DYNC1I2: variants seen among roughly 807,000 people sequenced by gnomAD.
DYNC1I2 encodes cytoplasmic dynein 1 intermediate chain 2.
In DYNC1I2, 53 loss-of-function variants were observed where a neutral mutation model predicts 88.6. The observed-to-expected ratio is 0.60, with a 90% CI of 0.48 to 0.75. The LOEUF is 0.75. Ranked by LOEUF, DYNC1I2 falls within the 30% of genes least tolerant of loss-of-function variation. The probability of loss-of-function intolerance (pLI) is 0.00; values close to 1 mark genes in which losing one functional copy is unlikely to be tolerated. For synonymous variants in DYNC1I2, 198 were observed against 254.6 expected (o/e 0.78, Z 2.12); for missense variants, 458 against 766.6 (o/e 0.60, Z 4.75).
chr2:171,724,646 C>T (rs1688116495), intron 7 of DYNC1I2, among the ~76,000 whole-genome samples: 1 of 152,218 alleles, frequency 6.6e-6, no homozygotes, highest in Admixed American at 6.5e-5. Context: ...GAAATGACTA[C>T]AGCAAGTAAA....
At chr2:171,710,120 T>TACACACAC (rs1383615743) in intron 5 of DYNC1I2, among the ~76,000 whole-genome samples, 39 of 95,762 alleles carry the variant, frequency 4.1e-4, no homozygotes, top group South Asian at 1.3e-3. Flanking sequence ...TTTATGTATA[T>TACACACAC]ATACACACAC....
In DYNC1I2 at chr2:171,748,614, G is replaced by A. The variant is rs1689946613; in HGVS notation, c.*725G>A. Among the ~76,000 whole-genome samples the A allele has an allele frequency of 6.6e-6, 1 of 152,118 alleles. No individual in the cohort carries two copies. ...ATTGATGTCTAGATAATCTGTTGGTGAAAAAATTTCCCCTAGGTTAACTTT... is the reference window on the plus strand; with the variant it reads ...ATTGATGTCTAGATAATCTGTTGGTAAAAAAATTTCCCCTAGGTTAACTTT... On this transcript the variant is annotated 3_prime_UTR_variant, in exon 18 of 18. Transcript: ENST00000397119.
At chr2:171,713,141 G>A (rs1191023312) in intron 6 of DYNC1I2, among the ~76,000 whole-genome samples, 1 of 151,970 alleles carries the variant, frequency 6.6e-6, no homozygotes, top group Admixed American at 6.6e-5. Flanking sequence ...AACCTTTTCA[G>A]GGTTACTTGA....
intron 15 of DYNC1I2, among the ~76,000 whole-genome samples, chr2:171,736,339 C>CT (rs1454708107): frequency 1.3e-5 from 2 of 152,158 alleles, no homozygotes; most frequent in Non-Finnish European, 2.9e-5. Context: ...CTAACCGGAA[C>CT]TAACAGGCTC....
chr2:171,710,345 G>A (rs990845561), intron 5 of DYNC1I2, among the ~76,000 whole-genome samples: 1 of 152,142 alleles, frequency 6.6e-6, no homozygotes, highest in African/African-American at 2.4e-5. Flanking sequence ...CGATGTTAAT[G>A]TAAGAATAAA....
At chr2:171,716,598 G>C (rs894790185) in intron 7 of DYNC1I2, among the ~76,000 whole-genome samples, 1 of 151,998 alleles carries the variant, frequency 6.6e-6, no homozygotes, top group Non-Finnish European at 1.5e-5. Context: ...TTTCATATTT[G>C]CCTAAACCTA....
intron 14 of DYNC1I2, 88 bp from the exon 15 acceptor site, chr2:171,729,621 G>C (rs886129584): frequency 2.9e-6 from 4 of 1,395,210 alleles, no homozygotes; most frequent in Non-Finnish European, 3.0e-6. Context: ...TGAAGTCAAG[G>C]CCTGATATAT....
chr2:171,716,846 C>T (rs186227725), intron 7 of DYNC1I2, among the ~76,000 whole-genome samples: 1 of 151,358 alleles, frequency 6.6e-6, no homozygotes, highest in East Asian at 2.0e-4. Flanking sequence ...GCAGAGGTTA[C>T]AGTGAGCCAA....
intron 3 of DYNC1I2, among the ~76,000 whole-genome samples, chr2:171,702,727 G>A (rs1345260774): frequency 4.0e-5 from 6 of 151,410 alleles, no homozygotes; most frequent in African/African-American, 1.5e-4. Flanking sequence ...TTCTTTGCTG[G>A]TAGTTTTTTT....
At chr2:171,730,490 C>T (rs1341055464) in intron 15 of DYNC1I2, among the ~76,000 whole-genome samples, 16 of 152,130 alleles carry the variant, frequency 1.1e-4, no homozygotes, top group Non-Finnish European at 2.2e-4. Flanking sequence ...CCAGCAATTC[C>T]AGATAAATGT....
intron 15 of DYNC1I2, among the ~76,000 whole-genome samples, chr2:171,743,355 A>G (rs191711973): frequency 6.6e-6 from 1 of 152,288 alleles, no homozygotes; most frequent in East Asian, 1.9e-4. Context: ...AGAAGAAAAT[A>G]TGAGTATAAG....
intron 5 of DYNC1I2, among the ~76,000 whole-genome samples, chr2:171,710,639 T>C (rs1229147752): frequency 6.6e-6 from 1 of 151,978 alleles, no homozygotes; most frequent in East Asian, 1.9e-4. Flanking sequence ...ACATTTGTTA[T>C]CTCAAAAATT....
intron 16 of DYNC1I2, 87 bp from the exon 17 acceptor site, chr2:171,745,715 C>A: frequency 1.5e-6 from 2 of 1,377,648 alleles, no homozygotes; most frequent in South Asian, 3.3e-5. Flanking sequence ...AAAATGTAGC[C>A]AGCTTGAGAG....
At chr2:171,695,985 C>T (rs1685738774) in intron 3 of DYNC1I2, among the ~76,000 whole-genome samples, 1 of 152,172 alleles carries the variant, frequency 6.6e-6, no homozygotes, top group African/African-American at 2.4e-5. Flanking sequence ...TATCTTTTAA[C>T]CATTCAAGTT....
intron 13 of DYNC1I2, 103 bp from the exon 14 acceptor site, chr2:171,728,608 ATTTATG>A (rs538518265): frequency 2.6e-4 from 274 of 1,059,128 alleles, no homozygotes; most frequent in Admixed American, 7.3e-4. Flanking sequence ...TTTAATTTAG[ATTTATG>A]TAAATAATAA....
At chr2:171,722,995 G>A (rs1219379162) in intron 7 of DYNC1I2, among the ~76,000 whole-genome samples, 1 of 152,120 alleles carries the variant, frequency 6.6e-6, no homozygotes, top group South Asian at 2.1e-4. Flanking sequence ...TGGACAAATA[G>A]GCATGGCAAA....
chr2:171,737,745 AC>A, intron 15 of DYNC1I2, among the ~76,000 whole-genome samples: 1 of 151,028 alleles, frequency 6.6e-6, no homozygotes. Context: ...GTAATCTTTT[AC>A]CCAGTTACAG....
At position 171,721,199 on chromosome 2, in the gene DYNC1I2, T is replaced by C. The variant is rs540869872; in HGVS notation, c.512-4419T>C. Among the ~76,000 whole-genome samples the C allele has an allele frequency of 5.9e-4, 89 of 151,550 alleles. No individual in the cohort carries two copies. The Middle Eastern group carries it at 0.024, about 41-fold the overall frequency. On this transcript the variant is annotated intron_variant, in intron 7 of 17. Transcript: ENST00000397119. ...TAAAGGAAGTGGTATAATTAAACTA[T>C]TAGTCTTTTCTTATTTTCCCCCCAA...
intron 3 of DYNC1I2, among the ~76,000 whole-genome samples, chr2:171,699,772 G>C (rs1686094480): frequency 6.6e-6 from 1 of 151,864 alleles, no homozygotes; most frequent in Non-Finnish European, 1.5e-5. Flanking sequence ...AAGTAGCTGG[G>C]ACTACAGGCA....
Sources: gnomAD v4.1 joint callset for allele counts (sites outside exome capture counted in the v4.1 genomes callset) on GRCh38, gnomAD v4.1.1 for gene constraint, MANE v1.5 for transcripts, NCBI Gene and HGNC (gene_info 2026-07-23, HGNC 2026-07-21) for gene names.